Variants in RABEP2 observed in about 807,000 individuals in gnomAD.
RABEP2 encodes rab GTPase-binding effector protein 2.
A neutral mutation model predicts 74.1 loss-of-function variants in RABEP2; 57 were observed. The ratio of observed to expected loss-of-function variants is 0.77; its 90% CI spans 0.62 to 0.96. The LOEUF (loss-of-function observed/expected upper bound fraction) is 0.96. Ranked by LOEUF, RABEP2 falls within the 40% of genes least tolerant of loss-of-function variation. RABEP2 has a pLI of 0.00. For synonymous variants in RABEP2, 351 were observed against 344.0 expected (o/e 1.02, Z -0.23); for missense variants, 692 against 756.3 (o/e 0.91, Z 1.00).
chr16:28,910,350 T>C (rs1964295579), intron 7 of RABEP2: 1 of 151,336 alleles, frequency 6.6e-6, no homozygotes, highest in Admixed American at 6.6e-5. Context: ...AATGGCGTGA[T>C]CTCGGCTCAC....
chr16:28,916,314 C>T (rs1326062496), intron 3 of RABEP2: 1 of 152,152 alleles, frequency 6.6e-6, no homozygotes, highest in South Asian at 2.1e-4. Context: ...ATAGGAGAAG[C>T]CTGCTTGACA....
At chr16:28,908,932 C>A (rs1487350558) in intron 7 of RABEP2, among the ~76,000 whole-genome samples, 168 bp from the exon 8 acceptor site, 1 of 151,946 alleles carries the variant, frequency 6.6e-6, no homozygotes, top group Non-Finnish European at 1.5e-5. Context: ...TCTTCAGACA[C>A]CTCTGTCCCT....
intron 2 of RABEP2, among the ~76,000 whole-genome samples, chr16:28,922,717 T>TC (rs1964482703): frequency 6.6e-6 from 1 of 150,756 alleles, no homozygotes; most frequent in Non-Finnish European, 1.5e-5. Context: ...AGAGTAAGAC[T>TC]CCATCTCAAA....
chr16:28,920,022 A>C (rs1478914092), intron 2 of RABEP2, 79 bp from the exon 3 acceptor site: 2 of 1,413,764 alleles, frequency 1.4e-6, no homozygotes, highest in Non-Finnish European at 1.9e-6. Context: ...GGGACTCTTG[A>C]TGCACTGACT....
Position 28,906,002 on chromosome 16 carries a change from T to C in RABEP2, c.1423+17A>G, listed in dbSNP as rs372832547. 191 of 1,608,618 alleles carry C rather than the reference T, an allele frequency of 1.2e-4. 1 individual carries two copies. The highest frequency in any genetic ancestry group is 1.6e-4 in the Non-Finnish European group (186 of 1,178,148). On this transcript the variant is annotated intron_variant, in intron 9 of 12. Transcript: ENST00000358201. ...GGCCCTGGGCCCGGGGCTGGGGGCT[T>C]GTGCCCCTCCCCTCACCTGTCTCCT...
intron 2 of RABEP2, 106 bp downstream of exon 2, chr16:28,924,297 G>A (rs1964505196): frequency 1.7e-6 from 2 of 1,150,584 alleles, no homozygotes; most frequent in Admixed American, 2.1e-5. Flanking sequence ...GTGCCAGGCA[G>A]CCCTGCTAAC....
intron 7 of RABEP2, among the ~76,000 whole-genome samples, chr16:28,909,028 TACAC>T (rs888783202): frequency 1.3e-5 from 2 of 148,680 alleles, no homozygotes; most frequent in African/African-American, 2.5e-5. Context: ...TATATACACA[TACAC>T]ACACACACAC....
Position 28,910,935 on chromosome 16 carries a change from G to T in RABEP2, c.1042C>A (p.Leu348Met). ...TGGGCCTGGCTCACGGTCCCTTGCA[G>T]GGTCCGCAGCAGCTGCTCTGAGTTC... ...VQNSEQLLRT[L>M]QGTVSQAQER... The change falls in exon 7 of 13, where the codon CTG (leucine) becomes ATG (methionine). Residue 348 changes from leucine (L) to methionine (M), a missense_variant. Coordinates refer to ENST00000358201, the MANE Select transcript of RABEP2 (RefSeq NM_024816.3). The T allele has an allele frequency of 6.2e-7, 1 of 1,613,234 alleles. No individual in the cohort carries two copies. Among genetic ancestry groups the T allele is most frequent in the Non-Finnish European group, 8.5e-7 (1 of 1,179,682 alleles).
chr16:28,906,444 A>G lies in RABEP2; in HGVS notation c.1246-248T>C, dbSNP rs555561228. Among the ~76,000 whole-genome samples, 730 of 152,274 alleles carry G rather than the reference A, an allele frequency of 4.8e-3. 7 individuals are homozygous for G. The highest frequency in any genetic ancestry group is 0.017 in the African/African-American group (689 of 41,564). ...TGGAGAGCGCTCAGGAAGAGTCCCA[A>G]CCATAAAGTTCAGCAGATTACCTAC... On this transcript the variant is annotated intron_variant, in intron 8 of 12. Coordinates refer to ENST00000358201, the MANE Select transcript of RABEP2 (RefSeq NM_024816.3).
chr16:28,908,801 AC>A (rs760541881), intron 7 of RABEP2, 37 bp from the exon 8 acceptor site: 99 of 1,600,754 alleles, frequency 6.2e-5, no homozygotes, highest in Admixed American at 1.5e-4. Flanking sequence ...AATGAAGAGG[AC>A]AGGGCGTCTC....
Position 28,924,880 on chromosome 16 carries a change from C to T in RABEP2, c.61+223G>A, listed in dbSNP as rs966416925. ...GCCCCGCCCTCCTAGTGGCCGCGCC[C>T]CTTCCTCACCGGGCCCCACTTCGCA... On this transcript the variant is annotated intron_variant, in intron 1 of 12. Coordinates refer to ENST00000358201, the MANE Select transcript of RABEP2 (RefSeq NM_024816.3). The T allele has an allele frequency of 9.3e-6, 7 of 754,664 alleles. No individual in the cohort carries two copies. In the African/African-American group the frequency reaches 1.2e-4, roughly 13 times the overall value. The allele number at this position is 754,664 out of a possible 1,614,324, so 46.7% of individuals were successfully genotyped here. A position where few individuals can be genotyped will look rare whatever the true frequency, so the allele number is the denominator to read the frequency against.
Position 28,914,435 on chromosome 16 carries a change from G to GCGC in RABEP2, c.692_694dup (p.Ser231_Ala232insGly). The GCGC allele has an allele frequency of 6.2e-7, 1 of 1,613,538 alleles. No homozygotes were observed. The highest frequency in any genetic ancestry group is 1.3e-5 in the African/African-American group (1 of 75,050). On this transcript the variant is annotated inframe_insertion, in exon 5 of 13. Transcript: ENST00000358201. ...GCCAAGGGAGAAGGAGGAGATGGAG[G>GCGC]CGCTGTCATCGCAGTTGTGAGCGAA...
chr16:28,920,812 G>T (rs895540538), intron 2 of RABEP2, among the ~76,000 whole-genome samples: 1 of 151,880 alleles, frequency 6.6e-6, no homozygotes, highest in African/African-American at 2.4e-5. Context: ...ATTTACATTA[G>T]GTATATCTCC....
intron 7 of RABEP2, among the ~76,000 whole-genome samples, chr16:28,909,080 A>C (rs1326557957): frequency 6.6e-6 from 1 of 151,536 alleles, no homozygotes; most frequent in Non-Finnish European, 1.5e-5. Context: ...AATTTTAAAA[A>C]ATATATATTT....
chr16:28,918,061 GTTTTTTTTTTT>G (rs398029150), intron 3 of RABEP2: 1 of 93,220 alleles, frequency 1.1e-5, no homozygotes, highest in Non-Finnish European at 2.1e-5. Context: ...TCCTATAATT[GTTTTTTTTTTT>G]TTTTTTTTTT....
rs1053450683 is a variant in RABEP2, at chr16:28,919,154, A to G, written c.432+632T>C. Among the ~76,000 whole-genome samples the G allele has an allele frequency of 5.4e-4, 83 of 152,314 alleles. 2 individuals carry two copies. Among genetic ancestry groups the G allele is most frequent in the Non-Finnish European group, 2.2e-4 (15 of 68,032 alleles). ...AAGCACTAAGCACAGTGCCTAAAGC[A>G]TCAGAGGCATCCTTTTTTTAAGACG... On this transcript the variant is annotated intron_variant, in intron 3 of 12. Coordinates refer to ENST00000358201, the MANE Select transcript of RABEP2 (RefSeq NM_024816.3).
chr16:28,912,871 C>T (rs1333113156), intron 5 of RABEP2, among the ~76,000 whole-genome samples: 5 of 152,174 alleles, frequency 3.3e-5, no homozygotes, highest in African/African-American at 9.6e-5. Context: ...CTCTCCTCCC[C>T]GGTGGCCTTC....
At chr16:28,914,647 C>A in intron 4 of RABEP2, 25 bp downstream of exon 4, 2 of 1,612,968 alleles carry the variant, frequency 1.2e-6, no homozygotes, top group Non-Finnish European at 8.5e-7. Context: ...CCTCCTTCCC[C>A]AGCGCCCCCT....
At chr16:28,920,746 G>A (rs925604728) in intron 2 of RABEP2, among the ~76,000 whole-genome samples, 27 of 152,110 alleles carry the variant, frequency 1.8e-4, no homozygotes, top group South Asian at 8.3e-4. Flanking sequence ...CAACATGCAG[G>A]TTTGTTACAT....
Sources: allele counts gnomAD v4.1 joint callset (sites outside exome capture counted in the v4.1 genomes callset), GRCh38; gene constraint gnomAD v4.1.1; transcripts MANE v1.5; gene names NCBI Gene and HGNC (gene_info 2026-07-23, HGNC 2026-07-21).